DNM1: variants seen among roughly 807,000 people sequenced by gnomAD.
DNM1 encodes the protein dynamin 1, also known as dynamin-1.
A neutral mutation model predicts 104.6 loss-of-function variants in DNM1; 29 were observed. The observed-to-expected ratio is 0.28, with a 90% CI of 0.21 to 0.38. The LOEUF (loss-of-function observed/expected upper bound fraction) is 0.38, where lower values mean the gene tolerates loss of function less well. DNM1 is among the 10% of genes least tolerant of loss of function. The pLI, the probability that DNM1 is intolerant of heterozygous loss-of-function variation, is 1.00. For synonymous variants in DNM1, 445 were observed against 475.8 expected (o/e 0.94, Z 0.84); for missense variants, 640 against 1,189.4 (o/e 0.54, Z 6.79).
intron 13 of DNM1, 44 bp downstream of exon 13, chr9:128,239,823 G>T (rs376464388): frequency 6.3e-7 from 1 of 1,593,664 alleles, no homozygotes; most frequent in East Asian, 2.2e-5. Context: ...GGAGGGTGCC[G>T]GACGGACACC....
At position 128,230,276 on chromosome 9, in the gene DNM1, C is replaced by G. The variant is rs1835599485; in HGVS notation, c.1336-3745C>G. Reference sequence around the variant, plus strand: ...AAGATGGGATTCACTTGTCCCTCCACAGCATATTGTTGGGAAAAAAAAAAA... The same window carrying G: ...AAGATGGGATTCACTTGTCCCTCCAGAGCATATTGTTGGGAAAAAAAAAAA... On this transcript the variant is annotated intron_variant, in intron 10 of 21. Coordinates refer to ENST00000372923, the MANE Select transcript of DNM1 (RefSeq NM_004408.4). Among the ~76,000 whole-genome samples, 4 of 146,480 alleles carry G rather than the reference C, an allele frequency of 2.7e-5. No homozygotes were observed. In the South Asian group the frequency reaches 8.6e-4, roughly 32 times the overall value.
intron 21 of DNM1, chr9:128,252,693 C>A: frequency 2.1e-6 from 1 of 473,710 alleles, no homozygotes; most frequent in Non-Finnish European, 4.2e-6. Flanking sequence ...GGAGAAATGA[C>A]AGCTGGACTT....
In DNM1 at chr9:128,234,447, C is replaced by G. The variant is rs143800862; in HGVS notation, c.1422+340C>G. 2.8e-3 allele frequency among the ~76,000 whole-genome samples: 434 copies of G among 152,328 alleles called. 1 individual carries two copies. Among genetic ancestry groups the G allele is most frequent in the African/African-American group, 0.01 (421 of 41,564 alleles). On this transcript the variant is annotated intron_variant, in intron 11 of 21. Transcript: ENST00000372923. The stretch of plus-strand genomic sequence containing the variant: ...GTGTGATCTCTCAGCTCACTGCAAC[C>G]TCCGCCTCTTGGGTTCAAGTGATTC...
intron 1 of DNM1, among the ~76,000 whole-genome samples, chr9:128,206,973 C>CT (rs1417127227): frequency 6.6e-6 from 1 of 151,916 alleles, no homozygotes; most frequent in Non-Finnish European, 1.5e-5. Context: ...TGGACAAGGG[C>CT]TTCAGCTGCA....
In DNM1 at chr9:128,254,600, C is replaced by T; in HGVS notation, c.2535-54C>T. On this transcript the variant is annotated intron_variant, in intron 21 of 21. Transcript: ENST00000372923. This position sits in a 1 kb window ranked among gnomAD's most constrained non-coding sequence, Gnocchi z 6.1. ...CCGTGTGCTGCGCTTGCCTTACCAG[C>T]TCTCTCCTCGCTTTTCTCTCCCGTT... 2 of 1,595,860 alleles carry T rather than the reference C, an allele frequency of 1.3e-6. No homozygotes were observed. Among genetic ancestry groups the T allele is most frequent in the Non-Finnish European group, 1.7e-6 (2 of 1,179,408 alleles).
In DNM1 at chr9:128,247,316, A is replaced by G; in HGVS notation, c.1782-59A>G. ...GACCCCAAAGTCTGGGCATGCCCTT[A>G]ACCCCCAGGGAGGGTCAGACTTTGC... On this transcript the variant is annotated intron_variant, in intron 16 of 21. Transcript: ENST00000372923. The surrounding 1 kb of genome is among the most constrained non-coding windows in gnomAD (Gnocchi z 5.1). 1 of 1,254,788 alleles carries G rather than the reference A, an allele frequency of 8.0e-7. No homozygotes were observed. The highest frequency in any genetic ancestry group is 1.1e-6 in the Non-Finnish European group (1 of 876,692). The allele number at this position is 1,254,788 out of a possible 1,614,324, so 77.7% of individuals were successfully genotyped here.
intron 1 of DNM1, chr9:128,204,739 C>G (rs765959811): frequency 6.6e-6 from 1 of 152,488 alleles, no homozygotes; most frequent in Non-Finnish European, 1.5e-5. Flanking sequence ...ATCTCCCCCC[C>G]ATCTTCTTCA....
rs371018884 is a variant in DNM1, at chr9:128,222,423, T to C, written c.993-38T>C. 6 of 1,611,710 alleles carry C rather than the reference T, an allele frequency of 3.7e-6. No individual in the cohort carries two copies. Among genetic ancestry groups the C allele is most frequent in the Non-Finnish European group, 5.1e-6 (6 of 1,178,124 alleles). Reference sequence around the variant, plus strand: ...TCTCCCAGGGTTCCCTTTGCTGGGCTGCTCCTGCCCCCTCAGGCCACACCA... The same window carrying C: ...TCTCCCAGGGTTCCCTTTGCTGGGCCGCTCCTGCCCCCTCAGGCCACACCA... On this transcript the variant is annotated intron_variant, in intron 7 of 21. Coordinates refer to ENST00000372923, the MANE Select transcript of DNM1 (RefSeq NM_004408.4). This position sits in a 1 kb window ranked among gnomAD's most constrained non-coding sequence, Gnocchi z 7.8.
At chr9:128,251,072 G>A in intron 21 of DNM1, 132 bp downstream of exon 21, 2 of 702,312 alleles carry the variant, frequency 2.8e-6, no homozygotes, top group South Asian at 3.2e-5. Context: ...TCGGACTCTG[G>A]GTGCCGGAGC....
intron 1 of DNM1, among the ~76,000 whole-genome samples, chr9:128,214,958 G>A (rs901040888): frequency 6.6e-6 from 1 of 152,244 alleles, no homozygotes; most frequent in Non-Finnish European, 1.5e-5. Context: ...TAAACAGAGG[G>A]CTAAAGTGGG....
chr9:128,221,962 A>T (rs570097360), intron 6 of DNM1, among the ~76,000 whole-genome samples: 2 of 152,232 alleles, frequency 1.3e-5, no homozygotes, highest in Non-Finnish European at 2.9e-5. Context: ...GGAAATTCCA[A>T]ATACAAATCC....
chr9:128,222,717 G>A lies in DNM1; in HGVS notation c.1129-76G>A, dbSNP rs1379852223. On this transcript the variant is annotated intron_variant, in intron 8 of 21. Coordinates refer to ENST00000372923, the MANE Select transcript of DNM1 (RefSeq NM_004408.4). The surrounding 1 kb of genome is among the most constrained non-coding windows in gnomAD (Gnocchi z 7.8). The stretch of plus-strand genomic sequence containing the variant: ...CAGGCCCTGATGCCCAGCCCTAGGT[G>A]TGGGGTGGGCCCTGTCTTGACCTCC... 1 of 1,596,342 alleles carries A rather than the reference G, an allele frequency of 6.3e-7. No individual in the cohort carries two copies. Among genetic ancestry groups the A allele is most frequent in the African/African-American group, 1.3e-5 (1 of 74,476 alleles).
chr9:128,232,583 T>C (rs1835762554), intron 10 of DNM1: 2 of 153,452 alleles, frequency 1.3e-5, no homozygotes, highest in African/African-American at 4.8e-5. Flanking sequence ...TCACCACCTG[T>C]GACTCAGGCA....
At position 128,224,466 on chromosome 9, in the gene DNM1, C is replaced by T. The variant is rs1456460876; in HGVS notation, c.1335+77C>T. 2 of 1,365,888 alleles carry T rather than the reference C, an allele frequency of 1.5e-6. No homozygotes were observed. Among genetic ancestry groups the T allele is most frequent in the African/African-American group, 1.4e-5 (1 of 69,620 alleles). The allele number at this position is 1,365,888 out of a possible 1,614,324, so 84.6% of individuals were successfully genotyped here. On this transcript the variant is annotated intron_variant, in intron 10 of 21. Transcript: ENST00000372923. This position sits in a 1 kb window ranked among gnomAD's most constrained non-coding sequence, Gnocchi z 4.3. ...GCTGCCAGGCGCTCCTTCCCCATGT[C>T]CCCCCCTGCCTCCTCGGTAGCATGT...
chr9:128,230,175 C>T (rs1042245217), intron 10 of DNM1, among the ~76,000 whole-genome samples: 8 of 149,522 alleles, frequency 5.4e-5, no homozygotes, highest in African/African-American at 7.4e-5. Flanking sequence ...CAAGATTGAG[C>T]CATTGCACTC....
At chr9:128,239,885 AC>A (rs1836258934) in intron 13 of DNM1, 99 bp from the exon 14 acceptor site, 3 of 1,571,994 alleles carry the variant, frequency 1.9e-6, no homozygotes, top group Non-Finnish European at 2.6e-6. Context: ...GGGGCCAGGG[AC>A]CTGTCAGCTG....
intron 10 of DNM1, among the ~76,000 whole-genome samples, chr9:128,229,218 C>A (rs1835519944): frequency 6.6e-6 from 1 of 151,750 alleles, no homozygotes; most frequent in African/African-American, 2.4e-5. Flanking sequence ...ATAGCAAAAC[C>A]CTGTCTCTAC....
rs758567328 is a variant in DNM1, at chr9:128,254,656, G to T, written c.2537G>T (p.Arg846Leu). ...PNRAPPGVPS[R>L]SGQASPSRPE... Reference sequence around the variant, plus strand: ...TCTGCTTTCTCTCCAACTGCCAGCCGATCGGGTCAGGCAAGTCCATCCCGT... The same window carrying T: ...TCTGCTTTCTCTCCAACTGCCAGCCTATCGGGTCAGGCAAGTCCATCCCGT... Residue 846 changes from arginine to leucine, a missense_variant and splice_region_variant, in exon 22 of 22, where the codon CGA (arginine) becomes CTA (leucine). Around this residue, in one of 7 missense-constraint regions of DNM1, gnomAD observed 37 missense variants for 35.6 expected, o/e 1.04. Coordinates refer to ENST00000372923, the MANE Select transcript of DNM1 (RefSeq NM_004408.4). The surrounding 1 kb of genome is among the most constrained non-coding windows in gnomAD (Gnocchi z 6.1). 1.3e-6 allele frequency: 2 copies of T among 1,595,210 alleles called. No individual in the cohort carries two copies. The highest frequency in any genetic ancestry group is 2.2e-5 in the East Asian group (1 of 44,774).
At chr9:128,221,593 C>T (rs1835024721) in intron 6 of DNM1, among the ~76,000 whole-genome samples, 1 of 152,126 alleles carries the variant, frequency 6.6e-6, no homozygotes, top group Non-Finnish European at 1.5e-5. Context: ...GCCTCAGACG[C>T]ACGTCTAAAA....
Sources: allele counts gnomAD v4.1 joint callset (sites outside exome capture counted in the v4.1 genomes callset), GRCh38; gene constraint gnomAD v4.1.1; regional missense constraint gnomAD v4.1.1; non-coding constraint Gnocchi (gnomAD v3.1); transcripts MANE v1.5; gene names NCBI Gene and HGNC (gene_info 2026-07-23, HGNC 2026-07-21).